The following SCEL variants were observed in gnomAD, a reference collection of about 807,000 sequenced individuals.
The protein encoded by SCEL is sciellin.
In SCEL, 113 loss-of-function variants were observed where a neutral mutation model predicts 117.6. The ratio of observed to expected loss-of-function variants is 0.96; its 90% CI spans 0.83 to 1.12. The LOEUF is 1.12. Ranked by LOEUF, SCEL falls within the 50% of genes most tolerant of loss-of-function variation. The pLI is 0.00. For missense variants in SCEL, 785 were observed against 810.8 expected (o/e 0.97, Z 0.39); for synonymous variants, 270 against 256.2 (o/e 1.05, Z -0.51).
intron 4 of SCEL, among the ~76,000 whole-genome samples, chr13:77,561,130 C>T (rs1483975388): frequency 1.3e-5 from 2 of 152,194 alleles, no homozygotes; most frequent in Non-Finnish European, 2.9e-5. Flanking sequence ...GCCTGGTTCT[C>T]AGCTGGCTCT....
At chr13:77,542,063 A>G (rs1012664971) in intron 1 of SCEL, among the ~76,000 whole-genome samples, 12 of 152,222 alleles carry the variant, frequency 7.9e-5, no homozygotes, top group Non-Finnish European at 1.8e-4. Flanking sequence ...TGAAATAATT[A>G]TAGGCCACTA....
At chr13:77,633,618 C>T (rs1262363070) in intron 28 of SCEL, among the ~76,000 whole-genome samples, 1 of 151,948 alleles carries the variant, frequency 6.6e-6, no homozygotes, top group African/African-American at 2.4e-5. Flanking sequence ...AATGGGTTCA[C>T]CAATGCTCTA....
Position 77,640,745 on chromosome 13 carries a change from A to T in SCEL, c.1908A>T (p.Leu636Phe). ...TGGGTGTAGAAACTAAAATGATTTT[A>T]GATGAATTACAAATTTGCTGCCATT... ...KPLGVETKMI[L>F]DELQICCHST... Residue 636 changes from leucine (L) to phenylalanine (F), a missense_variant, in exon 31 of 33, where the codon TTA (leucine) becomes TTT (phenylalanine). By Grantham distance (22) the Leu-to-Phe change is conservative. Transcript: ENST00000349847. 1 of 1,605,336 alleles carries T rather than the reference A, an allele frequency of 6.2e-7. No individual in the cohort carries two copies. The highest frequency in any genetic ancestry group is 8.5e-7 in the Non-Finnish European group (1 of 1,173,734).
chr13:77,592,311 A>G (rs1169824919), intron 11 of SCEL, among the ~76,000 whole-genome samples: 1 of 152,132 alleles, frequency 6.6e-6, no homozygotes, highest in Non-Finnish European at 1.5e-5. Flanking sequence ...CCTGTGTTCT[A>G]TGTGCCACAG....
intron 3 of SCEL, among the ~76,000 whole-genome samples, chr13:77,558,984 CCTGAAAGGGCCTGTACTTTCAG>C (rs2084822715): frequency 6.6e-6 from 1 of 152,074 alleles, no homozygotes; most frequent in Non-Finnish European, 1.5e-5. Context: ...TTTGACATTT[CCTGAAAGGGCCTGTACTTTCAG>C]TTCCACTGTA....
intron 6 of SCEL, 72 bp downstream of exon 6, chr13:77,567,820 A>G (rs1404102136): frequency 5.6e-6 from 5 of 896,668 alleles, no homozygotes; most frequent in East Asian, 2.6e-5. Context: ...TGTACTTGCA[A>G]TTCTTCAATC....
At chr13:77,571,386 A>C (rs1214764978) in intron 8 of SCEL, among the ~76,000 whole-genome samples, 2 of 147,910 alleles carry the variant, frequency 1.4e-5, no homozygotes, top group African/African-American at 5.0e-5. Context: ...CTCAAAAAAA[A>C]AAAAAAAAAT....
At chr13:77,552,242 T>C (rs1454747090) in intron 1 of SCEL, among the ~76,000 whole-genome samples, 15 of 149,034 alleles carry the variant, frequency 1.0e-4, no homozygotes, top group African/African-American at 2.0e-4. Context: ...ATGGTATTTC[T>C]AGTTCTAGAT....
rs149688987 is a variant in SCEL, at chr13:77,642,025, G to A, written c.1948-681G>A. On this transcript the variant is annotated intron_variant, in intron 31 of 32. Transcript: ENST00000349847. ...TTACTATGCAGAAAAATTTAAACAA[G>A]AATATTCTCCTGATCATTGCTTTTG... Among the ~76,000 whole-genome samples the A allele has an allele frequency of 1.5e-3, 222 of 151,846 alleles. 2 individuals carry two copies. Among genetic ancestry groups the A allele is most frequent in the Non-Finnish European group, 2.0e-3 (134 of 67,906 alleles).
intron 24 of SCEL, among the ~76,000 whole-genome samples, chr13:77,614,169 A>G (rs2088869392): frequency 6.6e-6 from 1 of 152,178 alleles, no homozygotes; most frequent in South Asian, 2.1e-4. Flanking sequence ...AGCCTCCAGT[A>G]AAGGAATTGA....
rs570063847 is a variant in SCEL at position 77,571,055 on chromosome 13, C to T, written c.480-1069C>T. Among the ~76,000 whole-genome samples the T allele has an allele frequency of 4.0e-3, 605 of 151,302 alleles. 3 individuals are homozygous for T. The highest frequency in any genetic ancestry group is 4.2e-3 in the Non-Finnish European group (282 of 67,546). ...CCATTTTTGCCAGGCTGGTCTTGAG[C>T]TCCTGACCTCGTGATCCACCCGCCT... On this transcript the variant is annotated intron_variant, in intron 8 of 32. Transcript: ENST00000349847.
intron 9 of SCEL, among the ~76,000 whole-genome samples, chr13:77,574,245 C>T (rs886245192): frequency 2.6e-5 from 4 of 152,170 alleles, no homozygotes; most frequent in African/African-American, 9.7e-5. Context: ...TCGGTTTGCA[C>T]AGAGCTGATG....
chr13:77,583,102 C>T (rs1426198746), intron 9 of SCEL, among the ~76,000 whole-genome samples: 1 of 152,160 alleles, frequency 6.6e-6, no homozygotes, highest in African/African-American at 2.4e-5. Flanking sequence ...ATCTACATAC[C>T]TTTAAAAAGC....
At chr13:77,542,908 T>C (rs2083783955) in intron 1 of SCEL, among the ~76,000 whole-genome samples, 7 of 152,160 alleles carry the variant, frequency 4.6e-5, no homozygotes, top group Admixed American at 4.6e-4. Context: ...CCTAGGGATT[T>C]TCCCTGTTTC....
At chr13:77,581,584 C>G (rs181306575) in intron 9 of SCEL, among the ~76,000 whole-genome samples, 257 of 152,276 alleles carry the variant, frequency 1.7e-3, no homozygotes, top group African/African-American at 5.5e-3. Flanking sequence ...CAGGGAAGCT[C>G]TAGGTTCAAA....
At chr13:77,587,727 C>G (rs1398856835) in intron 9 of SCEL, among the ~76,000 whole-genome samples, 1 of 152,132 alleles carries the variant, frequency 6.6e-6, no homozygotes, top group Admixed American at 6.6e-5. Context: ...TTCTATTACT[C>G]TTGTTTCCTT....
intron 10 of SCEL, 146 bp downstream of exon 10, chr13:77,589,370 A>G (rs931382774): frequency 2.4e-5 from 13 of 532,422 alleles, no homozygotes; most frequent in African/African-American, 9.7e-5. Context: ...TTCTAATTTT[A>G]TTTCCCAACA....
chr13:77,589,565 A>G (rs1446752013), intron 10 of SCEL, among the ~76,000 whole-genome samples: 1 of 152,194 alleles, frequency 6.6e-6, no homozygotes, highest in Non-Finnish European at 1.5e-5. Flanking sequence ...CACATATAAT[A>G]TACATATAAA....
intron 1 of SCEL, among the ~76,000 whole-genome samples, chr13:77,550,156 C>G (rs2084224231): frequency 6.6e-6 from 1 of 151,760 alleles, no homozygotes; most frequent in Non-Finnish European, 1.5e-5. Context: ...GAGGCTGAGG[C>G]AGGTGGATGG....
Sources: allele counts gnomAD v4.1 joint callset (sites outside exome capture counted in the v4.1 genomes callset), GRCh38; gene constraint gnomAD v4.1.1; transcripts MANE v1.5; gene names NCBI Gene and HGNC (gene_info 2026-07-23, HGNC 2026-07-21).